The following SMOC2 variants were observed in gnomAD, a reference collection of about 807,000 sequenced individuals.
The protein encoded by SMOC2 is SPARC related modular calcium binding 2, also known as SPARC-related modular calcium-binding protein 2.
Under a neutral mutation model 61.4 loss-of-function variants are expected in SMOC2, and 39 were observed. The ratio of observed to expected loss-of-function variants is 0.64; its 90% CI spans 0.49 to 0.83. The LOEUF is 0.83. Among genes scored for constraint, SMOC2 ranks in the 40% least tolerant of loss-of-function variants. The pLI, the probability that SMOC2 is intolerant of heterozygous loss-of-function variation, is 0.00. For synonymous variants in SMOC2, 247 were observed against 239.9 expected, an observed-to-expected ratio of 1.03 and a Z score of -0.27; for missense variants, 556 against 592.9, an observed-to-expected ratio of 0.94 and a Z score of 0.65.
chr6:168,499,970 G>T (rs1182983627), intron 1 of SMOC2, among the ~76,000 whole-genome samples: 1 of 152,160 alleles, frequency 6.6e-6, no homozygotes, highest in Non-Finnish European at 1.5e-5. Flanking sequence ...GCCTGGCCCG[G>T]GTGCTCAGTG....
chr6:168,500,623 A>G (rs2763227), intron 1 of SMOC2, among the ~76,000 whole-genome samples: 74,617 of 151,856 alleles, frequency 0.49, 19,003 homozygotes, highest in East Asian at 0.75. Flanking sequence ...GTGGCTCTGA[A>G]GACAACACTC....
At chr6:168,523,590 G>T (rs924452410) in intron 2 of SMOC2, among the ~76,000 whole-genome samples, 1 of 150,286 alleles carries the variant, frequency 6.7e-6, no homozygotes, top group African/African-American at 2.5e-5. Context: ...TAGTAGAGAC[G>T]GGGTTTCACC....
rs189612105 is a variant in SMOC2, at chr6:168,484,297, A to T, written c.85-25618A>T. 5.4e-3 allele frequency among the ~76,000 whole-genome samples: 818 copies of T among 152,058 alleles called. 4 individuals carry two copies. The highest frequency in any genetic ancestry group is 0.015 in the African/African-American group (609 of 41,504). On this transcript the variant is annotated intron_variant, in intron 1 of 12. Transcript: ENST00000356284. ...AAGGATTTGAATGGACATTTTTTTT[A>T]AAAAAAAGATACACAAATAGCCACT...
intron 8 of SMOC2, among the ~76,000 whole-genome samples, chr6:168,605,219 C>T (rs1428617738): frequency 6.6e-6 from 1 of 152,060 alleles, no homozygotes; most frequent in Non-Finnish European, 1.5e-5. Flanking sequence ...CACATCTGGG[C>T]AGCCTCTGTT....
intron 8 of SMOC2, among the ~76,000 whole-genome samples, chr6:168,605,968 G>C (rs1382427242): frequency 6.6e-6 from 1 of 152,114 alleles, no homozygotes; most frequent in Non-Finnish European, 1.5e-5. Context: ...ATAAGCCCTC[G>C]GGCAGGAAGG....
chr6:168,463,584 A>G (rs921918293), intron 1 of SMOC2, among the ~76,000 whole-genome samples: 1 of 152,290 alleles, frequency 6.6e-6, no homozygotes, highest in South Asian at 2.1e-4. Context: ...GGAGTGTGAG[A>G]AAATGAAGTG....
At chr6:168,483,718 TCA>T (rs1344206034) in intron 1 of SMOC2, among the ~76,000 whole-genome samples, 1 of 152,144 alleles carries the variant, frequency 6.6e-6, no homozygotes, top group Non-Finnish European at 1.5e-5. Flanking sequence ...GCTACTGTAG[TCA>T]CACAGTGTGG....
At chr6:168,550,675 AG>A (rs1389350720) in intron 7 of SMOC2, among the ~76,000 whole-genome samples, 1 of 152,184 alleles carries the variant, frequency 6.6e-6, no homozygotes, top group African/African-American at 2.4e-5. Flanking sequence ...GAGATGAGGA[AG>A]GGCAAACCCC....
intron 11 of SMOC2, among the ~76,000 whole-genome samples, chr6:168,655,785 A>G (rs1787307322): frequency 6.6e-6 from 1 of 151,554 alleles, no homozygotes; most frequent in South Asian, 2.1e-4. Flanking sequence ...CATGTGTGCC[A>G]GATTCCCCTT....
At chr6:168,491,456 G>C (rs1782469749) in intron 1 of SMOC2, among the ~76,000 whole-genome samples, 1 of 152,136 alleles carries the variant, frequency 6.6e-6, no homozygotes, top group African/African-American at 2.4e-5. Context: ...GCTGGAAGGT[G>C]AAGACTGCTT....
At position 168,441,442 on chromosome 6, in the gene SMOC2, C is replaced by G. The variant is rs1378774701; in HGVS notation, c.72C>G (p.Phe24Leu). The G allele has an allele frequency of 6.0e-6, 9 of 1,508,102 alleles. No homozygotes were observed. The Admixed American group carries it at 1.7e-4, about 28-fold the overall frequency. 93.4% of individuals were successfully genotyped at this position (1,508,102 alleles called of 1,614,324 possible). Residue 24 changes from phenylalanine (F) to leucine (L), a missense_variant, in exon 1 of 13, where the codon TTC (phenylalanine) becomes TTG (leucine). Phe to Leu is a conservative substitution (Grantham distance 22). Coordinates refer to ENST00000356284, the MANE Select transcript of SMOC2 (RefSeq NM_001166412.2). ...GLLPPVPAQK[F>L]SALTFLRVDQ... The stretch of plus-strand genomic sequence containing the variant: ...TCCCGCCGGTGCCCGCTCAGAAGTT[C>G]TCGGCGCTCACGGTAAGCCCGGGCC...
At chr6:168,632,148 G>C (rs1291997659) in intron 9 of SMOC2, among the ~76,000 whole-genome samples, 1 of 152,172 alleles carries the variant, frequency 6.6e-6, no homozygotes, top group Non-Finnish European at 1.5e-5. Flanking sequence ...AATGACAGGA[G>C]GTTTTTGGTC....
chr6:168,600,723 G>T (rs1785530384), intron 8 of SMOC2, among the ~76,000 whole-genome samples: 1 of 152,244 alleles, frequency 6.6e-6, no homozygotes, highest in Non-Finnish European at 1.5e-5. Context: ...GATTGTCCAA[G>T]ATGGCTTTTT....
intron 4 of SMOC2, among the ~76,000 whole-genome samples, chr6:168,533,723 G>C (rs548685777): frequency 6.6e-6 from 1 of 152,094 alleles, no homozygotes; most frequent in African/African-American, 2.4e-5. Flanking sequence ...TTTAGCCTTC[G>C]TAGGTCTTTT....
chr6:168,629,800 C>T (rs1018634507), intron 9 of SMOC2, among the ~76,000 whole-genome samples: 3 of 152,294 alleles, frequency 2.0e-5, no homozygotes, highest in South Asian at 4.1e-4. Flanking sequence ...ATCACTGGTC[C>T]TCAGTTTAAT....
intron 9 of SMOC2, among the ~76,000 whole-genome samples, chr6:168,628,109 C>T (rs535189748): frequency 3.3e-5 from 5 of 152,310 alleles, no homozygotes; most frequent in African/African-American, 7.2e-5. Context: ...TCCCTGGGCG[C>T]GCCTGTGGCC....
At chr6:168,501,256 C>CA in intron 1 of SMOC2, among the ~76,000 whole-genome samples, 1 of 152,162 alleles carries the variant, frequency 6.6e-6, no homozygotes, top group Admixed American at 6.5e-5. Context: ...TAAATTATCT[C>CA]AAAAATTACT....
intron 11 of SMOC2, among the ~76,000 whole-genome samples, chr6:168,654,143 T>A (rs1360921712): frequency 1.1e-5 from 1 of 88,712 alleles, no homozygotes; most frequent in African/African-American, 5.9e-5. Context: ...TCACCAACCC[T>A]GTACCTGAGC....
chr6:168,457,793 AAGCCTGTT>A (rs1562538683), intron 1 of SMOC2, among the ~76,000 whole-genome samples: 1 of 152,120 alleles, frequency 6.6e-6, no homozygotes, highest in Admixed American at 6.5e-5. Context: ...GAATTTTTCC[AAGCCTGTT>A]TTGTTCTCTC....
Sources: gnomAD v4.1 joint callset for allele counts (sites outside exome capture counted in the v4.1 genomes callset) on GRCh38, gnomAD v4.1.1 for gene constraint, MANE v1.5 for transcripts, NCBI Gene and HGNC (gene_info 2026-07-23, HGNC 2026-07-21) for gene names.